Variants in LAMA4 observed in about 807,000 individuals in gnomAD.
LAMA4 encodes the protein laminin subunit alpha-4.
LAMA4 carries 127 observed loss-of-function variants against 207.1 expected under a neutral mutation model. That is an observed-to-expected ratio of 0.61 (90% CI 0.53 to 0.71). The LOEUF (loss-of-function observed/expected upper bound fraction) is 0.71, where lower values mean the gene tolerates loss of function less well. Ranked by LOEUF, LAMA4 falls within the 30% of genes least tolerant of loss-of-function variation. The pLI is 0.00. For missense variants in LAMA4, 2,093 were observed against 2,246.5 expected (o/e 0.93, Z 1.38); for synonymous variants, 761 against 816.0 (o/e 0.93, Z 1.15).
intron 13 of LAMA4, among the ~76,000 whole-genome samples, chr6:112,159,180 C>T (rs782014825): frequency 1.3e-5 from 2 of 152,162 alleles, no homozygotes; most frequent in African/African-American, 2.4e-5. Flanking sequence ...CCTAATGTTA[C>T]TACAATACTT....
At chr6:112,160,779 G>A (rs1268754447) in intron 13 of LAMA4, among the ~76,000 whole-genome samples, 1 of 152,188 alleles carries the variant, frequency 6.6e-6, no homozygotes, top group African/African-American at 2.4e-5. Context: ...TCTCCCCTGA[G>A]TGATCTCACT....
chr6:112,201,732 CAA>C (rs782667118), intron 4 of LAMA4, 44 bp from the exon 5 acceptor site: 1 of 1,484,440 alleles, frequency 6.7e-7, no homozygotes, highest in Admixed American at 1.7e-5. Flanking sequence ...CATACATCAC[CAA>C]AGAGACTGTC....
chr6:112,180,892 C>T (rs79223854), intron 9 of LAMA4, among the ~76,000 whole-genome samples: 2,827 of 152,244 alleles, frequency 0.019, 85 homozygotes, highest in African/African-American at 0.064. Flanking sequence ...CATTAATGAC[C>T]CTAAATTCCT....
At chr6:112,139,520 G>A (rs1219927623) in intron 23 of LAMA4, among the ~76,000 whole-genome samples, 2 of 152,192 alleles carry the variant, frequency 1.3e-5, no homozygotes, top group African/African-American at 4.8e-5. Flanking sequence ...GGACACCCTA[G>A]TCTCTGGAAT....
chr6:112,139,413 T>C (rs2114692169), intron 23 of LAMA4, 122 bp from the exon 24 acceptor site: 1 of 1,052,812 alleles, frequency 9.5e-7, no homozygotes, highest in South Asian at 1.3e-5. Context: ...AATGAAGTCC[T>C]GTTGTCTGCA....
intron 3 of LAMA4, 41 bp from the exon 4 acceptor site, chr6:112,207,186 G>A (rs199509363): frequency 8.1e-6 from 13 of 1,611,340 alleles, no homozygotes; most frequent in Non-Finnish European, 1.1e-5. Context: ...GGATGCGAAA[G>A]AAATTTTAGA....
chr6:112,133,459 T>C lies in LAMA4; in HGVS notation c.3586A>G (p.Ile1196Val), dbSNP rs1779160131. 6.2e-7 allele frequency: 1 copy of C among 1,613,612 alleles called. No homozygotes were observed. The highest frequency in any genetic ancestry group is 1.3e-5 in the African/African-American group (1 of 74,874). The change falls in exon 27 of 39, where the codon ATC becomes GTC. Residue 1196 changes from isoleucine (I) to valine (V), a missense_variant. This residue lies in a region of LAMA4 where 1,704 missense variants were observed against 1,788.4 expected (regional missense o/e 0.95). Transcript: ENST00000230538. Reference sequence around the variant, plus strand: ...CCCTTCATGCATCCTCTGAAGTTGATATCTAGGGGAAGGTGTGCTCTGAGG... The same window carrying C: ...CCCTTCATGCATCCTCTGAAGTTGACATCTAGGGGAAGGTGTGCTCTGAGG... ...RALRAHLPLD[I>V]NFRGCMKGFQ... is the part of the protein sequence containing the mutation.
intron 2 of LAMA4, chr6:112,216,703 CAGG>C: frequency 3.9e-6 from 2 of 518,228 alleles, no homozygotes; most frequent in Non-Finnish European, 7.0e-6. Flanking sequence ...TTTCACTTTT[CAGG>C]AGAACAGAAA....
intron 11 of LAMA4, 75 bp downstream of exon 11, chr6:112,175,238 A>G (rs1252050939): frequency 2.9e-6 from 4 of 1,399,382 alleles, no homozygotes; most frequent in Non-Finnish European, 3.0e-6. Context: ...ATGTTGCCCT[A>G]GGTTTAATGT....
At chr6:112,167,562 G>T (rs1554340410) in intron 12 of LAMA4, among the ~76,000 whole-genome samples, 1 of 152,078 alleles carries the variant, frequency 6.6e-6, no homozygotes, top group African/African-American at 2.4e-5. Flanking sequence ...ATGATATTTT[G>T]CAAAAGTATG....
intron 11 of LAMA4, among the ~76,000 whole-genome samples, chr6:112,174,662 T>C (rs1781916802): frequency 6.6e-6 from 1 of 152,070 alleles, no homozygotes. Flanking sequence ...CCAGCTATTT[T>C]TTGTATTTTT....
intron 31 of LAMA4, among the ~76,000 whole-genome samples, chr6:112,123,316 G>A (rs1226560988): frequency 6.6e-6 from 1 of 152,148 alleles, no homozygotes; most frequent in Non-Finnish European, 1.5e-5. Context: ...TGAGAGAGAG[G>A]ATTAGATAAG....
intron 8 of LAMA4, among the ~76,000 whole-genome samples, chr6:112,186,479 T>C (rs527906432): frequency 6.6e-6 from 1 of 152,306 alleles, no homozygotes; most frequent in South Asian, 2.1e-4. Flanking sequence ...AAGCCCATGA[T>C]TTAGTGGGAA....
chr6:112,132,220 C>G (rs1404886561), intron 28 of LAMA4, among the ~76,000 whole-genome samples: 1 of 151,936 alleles, frequency 6.6e-6, no homozygotes, highest in Non-Finnish European at 1.5e-5. Flanking sequence ...ATACAGTTTT[C>G]AAAATATTAA....
At chr6:112,196,861 G>T (rs1554350641) in intron 5 of LAMA4, among the ~76,000 whole-genome samples, 1 of 152,108 alleles carries the variant, frequency 6.6e-6, no homozygotes, top group Non-Finnish European at 1.5e-5. Context: ...AACAACTGAG[G>T]CCTTCAACAT....
At position 112,178,202 on chromosome 6, in the gene LAMA4, C is replaced by A. The variant is rs781846378; in HGVS notation, c.1108G>T (p.Val370Phe). The change falls in exon 10 of 39, where the codon GTT becomes TTT. Residue 370 changes from valine to phenylalanine, a missense_variant. Coordinates refer to ENST00000230538, the MANE Select transcript of LAMA4 (RefSeq NM_001105206.3). ...ATGGTGTCCATGCTTTCCTTCTGAA[C>A]AAGTTGTCCTTTTCTGGAGGCTTGA... ...ENQASRKGQL[V>F]QKESMDTINH... is the part of the protein sequence containing the mutation. The A allele has an allele frequency of 3.7e-6, 6 of 1,613,832 alleles. No individual in the cohort carries two copies. Among genetic ancestry groups the A allele is most frequent in the Non-Finnish European group, 5.1e-6 (6 of 1,179,778 alleles).
intron 31 of LAMA4, among the ~76,000 whole-genome samples, chr6:112,127,417 G>C (rs782330014): frequency 6.6e-6 from 1 of 151,860 alleles, no homozygotes; most frequent in Non-Finnish European, 1.5e-5. Context: ...ATACTTGGGA[G>C]AAGTGTGATC....
rs781856644 is a variant in LAMA4, at chr6:112,140,824, G to A, written c.2912C>T (p.Ser971Phe). ...IKKGEFSGDD[S>F]LLDLDPEDTV... Reference sequence around the variant, plus strand: ...GTCCTCAGGGTCCAGGTCCAGCAGAGAGTCATCTCCCGAAAATTCCCCCTT... The same window carrying A: ...GTCCTCAGGGTCCAGGTCCAGCAGAAAGTCATCTCCCGAAAATTCCCCCTT... The change falls in exon 22 of 39, where the codon TCT (serine) becomes TTT (phenylalanine). Residue 971 changes from serine (S) to phenylalanine (F), a missense_variant. Around this residue, in one of 3 missense-constraint regions of LAMA4, gnomAD observed 1,704 missense variants for 1,788.4 expected, o/e 0.95. Coordinates refer to ENST00000230538, the MANE Select transcript of LAMA4 (RefSeq NM_001105206.3). 9 of 1,613,916 alleles carry A rather than the reference G, an allele frequency of 5.6e-6. No homozygotes were observed. The East Asian group carries it at 2.0e-4, about 36-fold the overall frequency.
At position 112,120,312 on chromosome 6, in the gene LAMA4, C is replaced by A. The variant is rs1456861210; in HGVS notation, c.4636G>T (p.Glu1546Ter). ...TGCCACAGGCCATCATTGTATTTCT[C>A]CTGGCTTCTAATCTTCAGTTTTTTG... ...GHKKLKIRSQ[E>*]KYNDGLWHDV... Residue 1546 changes from glutamate (E) to a stop codon, truncating the protein, a stop_gained, in exon 33 of 39, where the codon GAG becomes TAG. Transcript: ENST00000230538. LOFTEE classifies it high-confidence loss of function. 1.9e-6 allele frequency: 3 copies of A among 1,613,888 alleles called. No individual in the cohort carries two copies. Among genetic ancestry groups the A allele is most frequent in the Non-Finnish European group, 1.7e-6 (2 of 1,179,984 alleles).
Sources: allele counts gnomAD v4.1 joint callset (sites outside exome capture counted in the v4.1 genomes callset), GRCh38; gene constraint gnomAD v4.1.1; regional missense constraint gnomAD v4.1.1; transcripts MANE v1.5; gene names NCBI Gene and HGNC (gene_info 2026-07-23, HGNC 2026-07-21).